The following MROH9 variants were observed in gnomAD, a reference collection of about 807,000 sequenced individuals.
The protein encoded by MROH9 is maestro heat like repeat family member 9.
In MROH9, 92 loss-of-function variants were observed where a neutral mutation model predicts 98.2. The ratio of observed to expected loss-of-function variants is 0.94; its 90% confidence interval spans 0.79 to 1.11. The LOEUF (loss-of-function observed/expected upper bound fraction) is 1.11. Ranked by LOEUF, MROH9 falls within the 50% of genes most tolerant of loss-of-function variation. The pLI is 0.00. For synonymous variants in MROH9, 397 were observed against 368.9 expected (o/e 1.08, Z -0.87); for missense variants, 1,057 against 1,014.8 (o/e 1.04, Z -0.57).
At chr1:171,035,724 C>A (rs1304685824) in intron 20 of MROH9, among the ~76,000 whole-genome samples, 1 of 152,056 alleles carries the variant, frequency 6.6e-6, no homozygotes, top group Non-Finnish European at 1.5e-5. Context: ...CATAAGATAC[C>A]ATTATACATC....
chr1:171,021,385 C>T lies in MROH9; in HGVS notation c.1909-3010C>T, dbSNP rs571494487. Among the ~76,000 whole-genome samples the T allele has an allele frequency of 2.4e-4, 37 of 152,260 alleles. 2 individuals carry two copies. In the South Asian group the frequency reaches 7.3e-3, roughly 30 times the overall value. The stretch of plus-strand genomic sequence containing the variant: ...TACTACAAGGCTACAGTATCCAAAA[C>T]AACATGATACTGGCACCAAAACAGG... On this transcript the variant is annotated intron_variant, in intron 17 of 21. Coordinates refer to ENST00000367759, the MANE Select transcript of MROH9 (RefSeq NM_001163629.2).
chr1:170,993,540 ATGT>A (rs1184164935), intron 12 of MROH9, among the ~76,000 whole-genome samples: 1 of 152,210 alleles, frequency 6.6e-6, no homozygotes, highest in Non-Finnish European at 1.5e-5. Context: ...CTATGAGTGC[ATGT>A]GAAATAGATT....
intron 20 of MROH9, among the ~76,000 whole-genome samples, chr1:171,032,642 G>A (rs941059087): frequency 6.6e-6 from 1 of 152,168 alleles, no homozygotes; most frequent in African/African-American, 2.4e-5. Flanking sequence ...AAAGATGGGT[G>A]CCTGCTCCTT....
chr1:171,021,683 A>G (rs1470671431), intron 17 of MROH9, among the ~76,000 whole-genome samples: 3 of 152,196 alleles, frequency 2.0e-5, no homozygotes, highest in Non-Finnish European at 2.9e-5. Context: ...CGTTCAGGAC[A>G]TAGGCGTGGG....
chr1:170,944,667 G>A (rs1649253186), intron 1 of MROH9, among the ~76,000 whole-genome samples: 1 of 152,070 alleles, frequency 6.6e-6, no homozygotes, highest in African/African-American at 2.4e-5. Flanking sequence ...TTTAAAATAA[G>A]CTTTGAGGCA....
At chr1:171,015,537 C>G (rs1245259850) in intron 16 of MROH9, among the ~76,000 whole-genome samples, 3 of 152,044 alleles carry the variant, frequency 2.0e-5, no homozygotes, top group Admixed American at 6.6e-5. Flanking sequence ...TTTCTCCTTG[C>G]CTTTCTTTCT....
chr1:171,030,610 T>G (rs937411220), intron 20 of MROH9, among the ~76,000 whole-genome samples: 1 of 152,220 alleles, frequency 6.6e-6, no homozygotes, highest in Non-Finnish European at 1.5e-5. Flanking sequence ...GTGAGTTTCT[T>G]AATCCTGAGT....
rs555182562 is a variant in MROH9, at chr1:171,007,574, C to G, written c.1597-6543C>G. ...CTAGACAGGAAGAACTGCTCCCAAA[C>G]TGAAGCTAAAAGGGGCTGGAGTCAA... On this transcript the variant is annotated intron_variant, in intron 15 of 21. Coordinates refer to ENST00000367759, the MANE Select transcript of MROH9 (RefSeq NM_001163629.2). Among the ~76,000 whole-genome samples the G allele has an allele frequency of 2.6e-4, 39 of 152,322 alleles. 2 individuals carry two copies. In the South Asian group the frequency reaches 8.1e-3, roughly 32 times the overall value.
intron 3 of MROH9, among the ~76,000 whole-genome samples, chr1:170,957,016 C>CTTTT (rs36026353): frequency 2.9e-5 from 4 of 139,224 alleles, no homozygotes; most frequent in East Asian, 2.1e-4. Flanking sequence ...GGATTATCTG[C>CTTTT]TTTTTTTTTT....
rs1040056678 is a variant in MROH9, at chr1:171,064,250, A to G, written c.2496A>G (p.Lys832=). Residue 832 remains lysine, a synonymous_variant, in exon 22 of 22, where the codon AAA becomes AAG. Transcript: ENST00000367759. ...TGCTTAAATTATTCTACATCAAAAA[A>G]TTGAAGCCTCTTTACAATTATAACT... ...QKLLKLFYIK[K]LKPLYNYNSP... is the part of the protein sequence containing the mutation. The G allele has an allele frequency of 6.4e-6, 10 of 1,551,504 alleles. No homozygotes were observed. Among genetic ancestry groups the G allele is most frequent in the Middle Eastern group, 1.7e-4 (1 of 6,014 alleles).
chr1:171,005,730 T>C (rs1651932754), intron 15 of MROH9, among the ~76,000 whole-genome samples: 1 of 152,208 alleles, frequency 6.6e-6, no homozygotes. Context: ...CAGAACATTT[T>C]ACTTCTTCCT....
rs1401458735 is a variant in MROH9 at position 170,961,866 on chromosome 1, C to T, written c.289-24C>T. 6 of 1,224,326 alleles carry T rather than the reference C, an allele frequency of 4.9e-6. No individual in the cohort carries two copies. The Middle Eastern group carries it at 6.6e-4, about 136-fold the overall frequency. 75.8% of individuals were successfully genotyped at this position (1,224,326 alleles called of 1,614,324 possible). A position where few individuals can be genotyped will look rare whatever the true frequency, so the allele number is the denominator to read the frequency against. On this transcript the variant is annotated intron_variant, in intron 5 of 21. Transcript: ENST00000367759. ...TAAAATTTTATCTAAGTCTGGCTGA[C>T]TGTGCAATGTTTTTGTGTTTCAGAA...
chr1:170,992,296 C>T lies in MROH9; in HGVS notation c.1161C>T (p.Phe387=). 2 of 1,613,490 alleles carry T rather than the reference C, an allele frequency of 1.2e-6. No individual in the cohort carries two copies. The highest frequency in any genetic ancestry group is 2.2e-5 in the South Asian group (2 of 91,052). ...MEDTVTEGKR[F]SLDITNLMPL... is the part of the protein sequence containing the mutation. ...ACACCGTAACGGAAGGGAAACGTTT[C>T]TCTCTTGATATTACCAACTTGATGC... The change falls in exon 12 of 22, where the codon TTC becomes TTT. Residue 387 remains phenylalanine, a synonymous_variant. Coordinates refer to ENST00000367759, the MANE Select transcript of MROH9 (RefSeq NM_001163629.2).
intron 1 of MROH9, among the ~76,000 whole-genome samples, chr1:170,942,689 T>G (rs1182994580): frequency 1.3e-5 from 2 of 152,232 alleles, no homozygotes; most frequent in East Asian, 3.9e-4. Context: ...GATACCTCCC[T>G]GGATAGATGA....
At chr1:170,960,116 T>A (rs1355845334) in intron 5 of MROH9, among the ~76,000 whole-genome samples, 1 of 152,242 alleles carries the variant, frequency 6.6e-6, no homozygotes, top group Non-Finnish European at 1.5e-5. Flanking sequence ...TTGTTTCTTT[T>A]TATAAGAGCT....
At chr1:170,979,004 G>A (rs1220673006) in intron 8 of MROH9, among the ~76,000 whole-genome samples, 1 of 152,202 alleles carries the variant, frequency 6.6e-6, no homozygotes, top group African/African-American at 2.4e-5. Flanking sequence ...CAAGCCAGGA[G>A]AACCTGTTCA....
rs1651956725 is a variant in MROH9, at chr1:171,006,512, C to T, written c.1597-7605C>T. ...CACACCTCTTTCTGCCCTCTCTCTC[C>T]TCCCCCAACTTCTGGAACTCCTATA... On this transcript the variant is annotated intron_variant, in intron 15 of 21. Transcript: ENST00000367759. Among the ~76,000 whole-genome samples the T allele has an allele frequency of 2.0e-5, 3 of 152,020 alleles. No homozygotes were observed. In the South Asian group the frequency reaches 6.2e-4, roughly 32 times the overall value.
At chr1:170,953,834 AAAGG>A (rs1171989869) in intron 3 of MROH9, among the ~76,000 whole-genome samples, 5 of 149,728 alleles carry the variant, frequency 3.3e-5, no homozygotes, top group African/African-American at 7.4e-5. Flanking sequence ...AAAGAAAAAG[AAAGG>A]AAGGAAGGAA....
chr1:171,031,782 T>C (rs1461967244), intron 20 of MROH9, among the ~76,000 whole-genome samples: 1 of 152,182 alleles, frequency 6.6e-6, no homozygotes, highest in Non-Finnish European at 1.5e-5. Context: ...ATGGAGTATC[T>C]TAGTGGTGTT....
Sources: gnomAD v4.1 joint callset for allele counts (sites outside exome capture counted in the v4.1 genomes callset) on GRCh38, gnomAD v4.1.1 for gene constraint, MANE v1.5 for transcripts, NCBI Gene and HGNC (gene_info 2026-07-23, HGNC 2026-07-21) for gene names.